BICC1: variants seen among roughly 807,000 people sequenced by gnomAD.
BICC1 encodes BicC family RNA binding protein 1.
A neutral mutation model predicts 111.0 loss-of-function variants in BICC1; 43 were observed. That is an observed-to-expected ratio of 0.39 (90% CI 0.30 to 0.50). BICC1 has a LOEUF of 0.50. Ranked by LOEUF, BICC1 falls within the 20% of genes least tolerant of loss-of-function variation. The pLI is 0.88. For synonymous variants in BICC1, 467 were observed against 434.4 expected (o/e 1.07, Z -0.93); for missense variants, 1,091 against 1,203.2 (o/e 0.91, Z 1.38).
chr10:58,593,054 T>C (rs7084089), intron 1 of BICC1, among the ~76,000 whole-genome samples: 116,844 of 151,544 alleles, frequency 0.77, 45,468 homozygotes, highest in East Asian at 0.98. Flanking sequence ...TGGGGAGGGG[T>C]GTCCTCAGCA....
intron 1 of BICC1, among the ~76,000 whole-genome samples, chr10:58,513,547 G>T (rs1281945669): frequency 1.8e-4 from 28 of 152,184 alleles, no homozygotes; most frequent in Admixed American, 1.8e-3. Context: ...GGCGCTGGGG[G>T]CCCTGTGCGA....
intron 2 of BICC1, among the ~76,000 whole-genome samples, chr10:58,662,554 A>G (rs1838877361): frequency 6.6e-6 from 1 of 152,208 alleles, no homozygotes; most frequent in Non-Finnish European, 1.5e-5. Context: ...TCGAAAGGTG[A>G]AAAAAGTTCA....
At chr10:58,770,044 A>G (rs1352353392) in intron 3 of BICC1, among the ~76,000 whole-genome samples, 3 of 152,160 alleles carry the variant, frequency 2.0e-5, no homozygotes, top group African/African-American at 4.8e-5. Flanking sequence ...TTGCAAAATA[A>G]AAATTTTATA....
At chr10:58,721,402 A>G (rs890751821) in intron 3 of BICC1, among the ~76,000 whole-genome samples, 2 of 152,170 alleles carry the variant, frequency 1.3e-5, no homozygotes, top group East Asian at 3.9e-4. Context: ...TGGGTTAATT[A>G]TTATGCCATG....
chr10:58,650,773 T>A (rs1221396615), intron 2 of BICC1: 1 of 152,170 alleles, frequency 6.6e-6, no homozygotes, highest in Non-Finnish European at 1.5e-5. Flanking sequence ...CCTCCTTGGC[T>A]TATAATTTCT....
At chr10:58,630,840 A>G (rs1375760342) in intron 2 of BICC1, among the ~76,000 whole-genome samples, 1 of 152,176 alleles carries the variant, frequency 6.6e-6, no homozygotes, top group African/African-American at 2.4e-5. Context: ...TTAAAGGAGC[A>G]GTGCTCTTTA....
intron 1 of BICC1, among the ~76,000 whole-genome samples, chr10:58,570,228 G>A (rs913327943): frequency 2.0e-5 from 3 of 152,144 alleles, no homozygotes; most frequent in Admixed American, 1.3e-4. Flanking sequence ...AAGAGCCTTC[G>A]TTGGGAAATT....
intron 2 of BICC1, among the ~76,000 whole-genome samples, chr10:58,652,458 TA>T (rs1271791288): frequency 1.3e-5 from 2 of 152,144 alleles, no homozygotes; most frequent in African/African-American, 4.8e-5. Context: ...AGAAGTTCTG[TA>T]TACACACACT....
chr10:58,512,433 C>T (rs901313922), upstream of BICC1, among the ~76,000 whole-genome samples: 4 of 152,114 alleles, frequency 2.6e-5, no homozygotes, highest in African/African-American at 9.7e-5. Context: ...ATGTAAACAG[C>T]GGAATTGTGT....
intron 2 of BICC1, among the ~76,000 whole-genome samples, chr10:58,682,253 A>C (rs917882334): frequency 6.6e-6 from 1 of 151,974 alleles, no homozygotes; most frequent in Non-Finnish European, 1.5e-5. Flanking sequence ...ACATTTTCTT[A>C]ATCCAGTCTA....
At chr10:58,707,181 C>T (rs532200044) in intron 3 of BICC1, among the ~76,000 whole-genome samples, 2 of 152,294 alleles carry the variant, frequency 1.3e-5, no homozygotes, top group African/African-American at 2.4e-5. Context: ...TTTTTGGTTA[C>T]ATTTTATCAG....
intron 4 of BICC1, 132 bp downstream of exon 4, chr10:58,785,212 G>A (rs1842976650): frequency 2.0e-6 from 1 of 510,510 alleles, no homozygotes; most frequent in East Asian, 3.2e-5. Flanking sequence ...ATAAGCACAT[G>A]TGATTCTACA....
intron 1 of BICC1, among the ~76,000 whole-genome samples, chr10:58,595,776 T>G (rs1844793160): frequency 6.6e-6 from 1 of 152,110 alleles, no homozygotes; most frequent in African/African-American, 2.4e-5. Flanking sequence ...GAGCTAAAAT[T>G]GACACCCTAA....
intron 2 of BICC1, among the ~76,000 whole-genome samples, chr10:58,629,218 TA>T (rs1837721415): frequency 6.6e-6 from 1 of 152,194 alleles, no homozygotes; most frequent in Non-Finnish European, 1.5e-5. Flanking sequence ...TTTACTGATT[TA>T]AAATGACTTC....
At chr10:58,702,669 A>G (rs767381045) in intron 3 of BICC1, among the ~76,000 whole-genome samples, 2 of 152,336 alleles carry the variant, frequency 1.3e-5, no homozygotes, top group African/African-American at 2.4e-5. Flanking sequence ...TACCCAGTGC[A>G]TAGATGTTCA....
chr10:58,713,515 A>C (rs1840642730), intron 3 of BICC1, among the ~76,000 whole-genome samples: 1 of 152,240 alleles, frequency 6.6e-6, no homozygotes, highest in Non-Finnish European at 1.5e-5. Context: ...CTAATGTGAA[A>C]GATGATATAA....
rs537699418 is a variant in BICC1, at chr10:58,831,133, C to T, written c.*2242C>T. 6.6e-6 allele frequency: 1 copy of T among 152,298 alleles called. No individual in the cohort carries two copies. The highest frequency in any genetic ancestry group is 1.9e-4 in the East Asian group (1 of 5,188). 9.4% of individuals were successfully genotyped at this position (152,298 alleles called of 1,614,324 possible). The stretch of plus-strand genomic sequence containing the variant: ...AAAACACTGGAAATTCTTTCTCTCA[C>T]TTTCTCTTGATGCAATGAAGGGAAT... On this transcript the variant is annotated 3_prime_UTR_variant, in exon 21 of 21. Coordinates refer to ENST00000373886, the MANE Select transcript of BICC1 (RefSeq NM_001080512.3).
intron 20 of BICC1, chr10:58,823,990 T>C: frequency 2.0e-6 from 2 of 985,448 alleles, no homozygotes; most frequent in Non-Finnish European, 2.4e-6. Flanking sequence ...ATGTGTCTTT[T>C]GCTTGTAAAG....
chr10:58,572,399 A>G (rs1843984790), intron 1 of BICC1, among the ~76,000 whole-genome samples: 1 of 152,052 alleles, frequency 6.6e-6, no homozygotes. Context: ...GCCCCTTTCT[A>G]TGTCCTGAAT....
Sources: gnomAD v4.1 joint callset for allele counts (sites outside exome capture counted in the v4.1 genomes callset) on GRCh38, gnomAD v4.1.1 for gene constraint, MANE v1.5 for transcripts, NCBI Gene and HGNC (gene_info 2026-07-23, HGNC 2026-07-21) for gene names.